PCSK5: variants seen among roughly 807,000 people sequenced by gnomAD.
The protein encoded by PCSK5 is prohormone convertase 5.
In PCSK5, 129 loss-of-function variants were observed where a neutral mutation model predicts 233.2. The ratio of observed to expected loss-of-function variants is 0.55; its 90% confidence interval spans 0.48 to 0.64. The LOEUF (loss-of-function observed/expected upper bound fraction) is 0.64. Among genes scored for constraint, PCSK5 ranks in the 30% least tolerant of loss-of-function variants. The pLI is 0.00. For missense variants in PCSK5, 2,076 were observed against 2,430.1 expected (o/e 0.85, Z 3.06); for synonymous variants, 825 against 879.2 (o/e 0.94, Z 1.09).
chr9:76,164,608 G>T (rs1254530046), intron 12 of PCSK5, among the ~76,000 whole-genome samples: 1 of 152,150 alleles, frequency 6.6e-6, no homozygotes, highest in Non-Finnish European at 1.5e-5. Flanking sequence ...CCAAGGATGT[G>T]CATTTCTAAT....
At chr9:76,090,015 C>T (rs1831221015) in intron 7 of PCSK5, among the ~76,000 whole-genome samples, 1 of 152,128 alleles carries the variant, frequency 6.6e-6, no homozygotes, top group Admixed American at 6.6e-5. Context: ...GCATGGATTC[C>T]ACAATATATT....
chr9:76,250,028 C>T (rs145569928), intron 24 of PCSK5, among the ~76,000 whole-genome samples: 207 of 152,158 alleles, frequency 1.4e-3, no homozygotes, highest in African/African-American at 4.9e-3. Context: ...AAGTGAAGGC[C>T]AGGCACGGTG....
At chr9:75,921,829 C>T (rs1050356319) in intron 1 of PCSK5, among the ~76,000 whole-genome samples, 2 of 152,030 alleles carry the variant, frequency 1.3e-5, no homozygotes, top group Non-Finnish European at 2.9e-5. Context: ...AAAATAAAAG[C>T]GTAATGTCAT....
At chr9:76,040,361 C>CTT (rs1563988538) in intron 5 of PCSK5, among the ~76,000 whole-genome samples, 1 of 57,700 alleles carries the variant, frequency 1.7e-5, no homozygotes, top group Non-Finnish European at 3.2e-5. Flanking sequence ...CTCTCTCTCT[C>CTT]TCTCTCTCTC....
Position 76,134,141 on chromosome 9 carries a change from T to C in PCSK5, c.1241T>C (p.Val414Ala), listed in dbSNP as rs756999998. ...PFLTWRDVQH[V>A]IVRTSRAGHL... ...CTGACCTGGAGAGACGTACAGCATG[T>C]TATTGTCAGGACTTCCCGTGCGGGA... The change falls in exon 10 of 38, where the codon GTT (valine) becomes GCT (alanine). Residue 414 changes from valine to alanine, a missense_variant. By Grantham distance (64) the Val-to-Ala change is moderately conservative. Transcript: ENST00000674117. 6.2e-7 allele frequency: 1 copy of C among 1,609,402 alleles called. No homozygotes were observed. The highest frequency in any genetic ancestry group is 1.7e-5 in the Admixed American group (1 of 59,324).
intron 7 of PCSK5, among the ~76,000 whole-genome samples, chr9:76,072,265 C>A (rs1192134807): frequency 6.6e-6 from 1 of 151,972 alleles, no homozygotes; most frequent in Non-Finnish European, 1.5e-5. Context: ...ATAGTGATGC[C>A]CCTTGGGGCA....
chr9:76,122,347 A>G (rs1832675244), intron 9 of PCSK5, among the ~76,000 whole-genome samples: 2 of 151,264 alleles, frequency 1.3e-5, no homozygotes, highest in African/African-American at 4.9e-5. Context: ...TTCCTTTTAT[A>G]TTAATAAAAC....
At chr9:76,320,524 AGTGG>A (rs1305252318) in intron 30 of PCSK5, among the ~76,000 whole-genome samples, 23 of 52,278 alleles carry the variant, frequency 4.4e-4, no homozygotes, top group African/African-American at 2.2e-3. Flanking sequence ...GCTGGAGTGC[AGTGG>A]AGTGGCACAA....
intron 27 of PCSK5, among the ~76,000 whole-genome samples, chr9:76,297,223 A>C (rs1178576458): frequency 5.3e-5 from 8 of 152,218 alleles, no homozygotes; most frequent in Non-Finnish European, 8.8e-5. Flanking sequence ...CTTCTATCAC[A>C]GGCATGTCCT....
chr9:76,350,098 C>G (rs1364182437), intron 35 of PCSK5, among the ~76,000 whole-genome samples: 1 of 121,912 alleles, frequency 8.2e-6, no homozygotes, highest in African/African-American at 3.0e-5. Context: ...GACAACATAG[C>G]AAGACCCCAT....
chr9:76,067,378 A>C lies in PCSK5; in HGVS notation c.633-577A>C, dbSNP rs540150155. Among the ~76,000 whole-genome samples, 4 of 152,350 alleles carry C rather than the reference A, an allele frequency of 2.6e-5. No homozygotes were observed. The East Asian group carries it at 5.8e-4, about 22-fold the overall frequency. ...TTTTAACATGTAGCTGGTATAAAACAATGATTAATAAGATATTTTACCTTT... is the reference window on the plus strand; with the variant it reads ...TTTTAACATGTAGCTGGTATAAAACCATGATTAATAAGATATTTTACCTTT... On this transcript the variant is annotated intron_variant, in intron 5 of 37. Coordinates refer to ENST00000674117, the MANE Select transcript of PCSK5 (RefSeq NM_001372043.1).
At chr9:76,333,068 A>G (rs1829580595) in intron 34 of PCSK5, among the ~76,000 whole-genome samples, 1 of 152,228 alleles carries the variant, frequency 6.6e-6, no homozygotes, top group African/African-American at 2.4e-5. Context: ...CCCAGCTTCT[A>G]TAGAAGCTGA....
intron 5 of PCSK5, among the ~76,000 whole-genome samples, chr9:76,053,867 G>A (rs890138204): frequency 6.6e-6 from 1 of 152,158 alleles, no homozygotes; most frequent in African/African-American, 2.4e-5. Flanking sequence ...TATCTTTACA[G>A]CAGCACCCCA....
chr9:76,053,020 G>A (rs1027337664), intron 5 of PCSK5, among the ~76,000 whole-genome samples: 7 of 152,210 alleles, frequency 4.6e-5, no homozygotes, highest in Admixed American at 1.3e-4. Context: ...GATGCAAGAG[G>A]TGGGCTCCCA....
At chr9:76,020,844 C>T (rs1736041658) in intron 3 of PCSK5, among the ~76,000 whole-genome samples, 1 of 152,226 alleles carries the variant, frequency 6.6e-6, no homozygotes, top group South Asian at 2.1e-4. Context: ...CTTCCTCCGG[C>T]CCACCTCTTG....
At chr9:76,331,543 T>A (rs1034609619) in intron 33 of PCSK5, among the ~76,000 whole-genome samples, 1 of 152,066 alleles carries the variant, frequency 6.6e-6, no homozygotes, top group African/African-American at 2.4e-5. Flanking sequence ...GGCAGGTGCC[T>A]GTAGTCCCAG....
Position 76,155,972 on chromosome 9 carries a change from A to G in PCSK5, c.1313-1073A>G, listed in dbSNP as rs543082691. On this transcript the variant is annotated intron_variant, in intron 10 of 37. Coordinates refer to ENST00000674117, the MANE Select transcript of PCSK5 (RefSeq NM_001372043.1). ...TTCCTAAAGCAAAGGTTTGGTGATG[A>G]GGTTGTTTTGCAAGTAGAATGGAAC... 2.0e-5 allele frequency among the ~76,000 whole-genome samples: 3 copies of G among 152,312 alleles called. No individual in the cohort carries two copies. In the South Asian group the frequency reaches 6.2e-4, roughly 32 times the overall value.
chr9:76,328,356 G>T, intron 33 of PCSK5, 117 bp downstream of exon 33: 1 of 747,450 alleles, frequency 1.3e-6, no homozygotes, highest in Non-Finnish European at 2.3e-6. Context: ...CTTTGTGTTT[G>T]GGAAATGTTC....
At chr9:75,970,017 G>A (rs1285164794) in intron 2 of PCSK5, among the ~76,000 whole-genome samples, 1 of 151,950 alleles carries the variant, frequency 6.6e-6, no homozygotes, top group Non-Finnish European at 1.5e-5. Context: ...GGGATTACAG[G>A]TGTGCACCAC....
Sources: gnomAD v4.1 joint callset for allele counts (sites outside exome capture counted in the v4.1 genomes callset) on GRCh38, gnomAD v4.1.1 for gene constraint, MANE v1.5 for transcripts, NCBI Gene and HGNC (gene_info 2026-07-23, HGNC 2026-07-21) for gene names.